The following HMMR variants were observed in gnomAD, a reference collection of about 807,000 sequenced individuals.
HMMR encodes hyaluronan mediated motility receptor, also known as intracellular hyaluronic acid-binding protein.
In HMMR, 108 loss-of-function variants were observed where a neutral mutation model predicts 101.0. The ratio of observed to expected loss-of-function variants is 1.07; its 90% CI spans 0.92 to 1.25. HMMR has a LOEUF of 1.25. Among genes scored for constraint, HMMR ranks in the 50% most tolerant of loss-of-function variants. The probability of loss-of-function intolerance (pLI) is 0.00; values close to 1 mark genes in which losing one functional copy is unlikely to be tolerated. For missense variants in HMMR, 813 were observed against 788.7 expected (o/e 1.03, Z -0.37); for synonymous variants, 296 against 276.4 (o/e 1.07, Z -0.70).
intron 1 of HMMR, among the ~76,000 whole-genome samples, chr5:163,461,201 A>C (rs1412051236): frequency 6.6e-6 from 1 of 152,160 alleles, no homozygotes; most frequent in African/African-American, 2.4e-5. Flanking sequence ...TTAGAGCAGC[A>C]GCACTTATTG....
chr5:163,469,943 G>A (rs529925207), intron 5 of HMMR, 114 bp downstream of exon 5: 79 of 640,274 alleles, frequency 1.2e-4, no homozygotes, highest in South Asian at 3.7e-4. Flanking sequence ...CAAGGCAGGC[G>A]GATCACCTGA....
intron 16 of HMMR, among the ~76,000 whole-genome samples, chr5:163,487,843 T>A (rs1759531314): frequency 6.6e-6 from 1 of 152,140 alleles, no homozygotes; most frequent in South Asian, 2.1e-4. Flanking sequence ...GAAAGAACTT[T>A]ATTTTTTTGT....
intron 13 of HMMR, 22 bp downstream of exon 13, chr5:163,482,810 C>T (rs774584062): frequency 1.9e-6 from 3 of 1,598,436 alleles, no homozygotes; most frequent in Non-Finnish European, 2.6e-6. Context: ...AAATAATGGC[C>T]TTAGAACCAT....
At position 163,485,526 on chromosome 5, in the gene HMMR, A is replaced by T. The variant is rs951966531; in HGVS notation, c.1962+1281A>T. 3.9e-5 allele frequency among the ~76,000 whole-genome samples: 6 copies of T among 152,172 alleles called. No homozygotes were observed. The South Asian group carries it at 6.2e-4, about 16-fold the overall frequency. ...CTGCTCATTTTTAAATTGGATTATT[A>T]GTCTTTTTATTATTGTGAGAATTCT... On this transcript the variant is annotated intron_variant, in intron 16 of 17. Transcript: ENST00000393915.
chr5:163,478,269 ACT>A (rs1759133433), intron 11 of HMMR, among the ~76,000 whole-genome samples: 1 of 152,132 alleles, frequency 6.6e-6, no homozygotes, highest in African/African-American at 2.4e-5. Context: ...AAGTCTTGTA[ACT>A]CTGTAGTTTA....
intron 10 of HMMR, 82 bp downstream of exon 10, chr5:163,474,287 A>G: frequency 9.9e-7 from 1 of 1,010,448 alleles, no homozygotes; most frequent in Non-Finnish European, 1.5e-6. Context: ...TAAATTGTGT[A>G]TATCCTTTGA....
chr5:163,477,761 T>C (rs911599811), intron 11 of HMMR, among the ~76,000 whole-genome samples: 12 of 152,198 alleles, frequency 7.9e-5, no homozygotes, highest in Admixed American at 2.0e-4. Flanking sequence ...TAAAAGAGTT[T>C]TATTAGATGG....
intron 17 of HMMR, 83 bp from the exon 18 acceptor site, chr5:163,491,029 A>C: frequency 1.5e-6 from 1 of 675,866 alleles, no homozygotes; most frequent in Non-Finnish European, 2.5e-6. Flanking sequence ...TAAAGAAGAT[A>C]CAAGGCCTGT....
At chr5:163,479,886 A>T (rs2113496455) in intron 12 of HMMR, among the ~76,000 whole-genome samples, 1 of 152,252 alleles carries the variant, frequency 6.6e-6, no homozygotes, top group African/African-American at 2.4e-5. Context: ...TTCTCCTTAA[A>T]TAAAAAGTTT....
chr5:163,484,760 T>C (rs1304962545), intron 16 of HMMR, among the ~76,000 whole-genome samples: 1 of 152,138 alleles, frequency 6.6e-6, no homozygotes, highest in East Asian at 1.9e-4. Context: ...AACACTCTCC[T>C]ATCTCCTCAC....
rs1406445346 is a variant in HMMR at position 163,471,276 on chromosome 5, G to A, written c.549+5G>A. 1.9e-6 allele frequency: 3 copies of A among 1,610,058 alleles called. No individual in the cohort carries two copies. The highest frequency in any genetic ancestry group is 2.6e-6 in the Non-Finnish European group (3 of 1,176,396). ...AAAAGAGAAACAAAGATGAGGGTGAGTGCTGCCCTTGGCAGGTTTGCTGTG... is the reference window on the plus strand; with the variant it reads ...AAAAGAGAAACAAAGATGAGGGTGAATGCTGCCCTTGGCAGGTTTGCTGTG... On this transcript the variant is annotated splice_donor_5th_base_variant and intron_variant, in intron 6 of 17. Transcript: ENST00000393915.
Position 163,482,787 on chromosome 5 carries a change from A to C in HMMR, c.1531A>C (p.Arg511=). 1 of 1,611,504 alleles carries C rather than the reference A, an allele frequency of 6.2e-7. No individual in the cohort carries two copies. The highest frequency in any genetic ancestry group is 8.5e-7 in the Non-Finnish European group (1 of 1,177,864). Residue 511 remains arginine (R), a splice_region_variant and synonymous_variant, in exon 13 of 18, where the codon AGG becomes CGG. Coordinates refer to ENST00000393915, the MANE Select transcript of HMMR (RefSeq NM_001142556.2). ...ATESSNQEYV[R]MLLDLQTKSA... ...TGAGAGCTCAAATCAAGAATATGTA[A>C]GGTATATAGAGCAAATAATGGCCTT...
chr5:163,488,650 C>G (rs534542004), intron 16 of HMMR, among the ~76,000 whole-genome samples: 1 of 152,286 alleles, frequency 6.6e-6, no homozygotes, highest in East Asian at 1.9e-4. Flanking sequence ...ATGACACTTG[C>G]TTTGGTAGGG....
chr5:163,484,581 A>C (rs759436845), intron 16 of HMMR, among the ~76,000 whole-genome samples: 20 of 152,172 alleles, frequency 1.3e-4, no homozygotes, highest in Non-Finnish European at 2.6e-4. Context: ...TGGGCATTTA[A>C]ATTTTTTAAC....
intron 12 of HMMR, among the ~76,000 whole-genome samples, chr5:163,481,770 C>G (rs1759274436): frequency 1.3e-5 from 2 of 152,172 alleles, no homozygotes; most frequent in African/African-American, 4.8e-5. Context: ...GCTCCTTAGT[C>G]TAAGCCTCCT....
Position 163,469,770 on chromosome 5 carries a change from G to A in HMMR, c.403G>A (p.Ala135Thr), listed in dbSNP as rs772706548. 22 of 1,612,364 alleles carry A rather than the reference G, an allele frequency of 1.4e-5. No individual in the cohort carries two copies. The highest frequency in any genetic ancestry group is 1.9e-5 in the Non-Finnish European group (22 of 1,178,592). ...AAAAACATCTCTCTCTGCAAATAAT[G>A]CTACACTGGAAAAACAACTTATTGA... ...REKTSLSANN[A>T]TLEKQLIELT... Residue 135 changes from alanine (A) to threonine (T), a missense_variant, in exon 5 of 18, where the codon GCT becomes ACT. By Grantham distance (58) the Ala-to-Thr change is moderately conservative. Transcript: ENST00000393915.
chr5:163,483,337 A>G lies in HMMR; in HGVS notation c.1755A>G (p.Glu585=), dbSNP rs971504602. ...EEINKWRLLY[E]ELYNKTKPFQ... The stretch of plus-strand genomic sequence containing the variant: ...TTAACAAGTGGCGTCTCCTCTATGA[A>G]GAACTATATAATAAAACAAAACCTT... The change falls in exon 15 of 18, where the codon GAA becomes GAG. Residue 585 remains glutamate, a synonymous_variant. Coordinates refer to ENST00000393915, the MANE Select transcript of HMMR (RefSeq NM_001142556.2). 13 of 1,601,374 alleles carry G rather than the reference A, an allele frequency of 8.1e-6. No individual in the cohort carries two copies. Among genetic ancestry groups the G allele is most frequent in the Non-Finnish European group, 1.0e-5 (12 of 1,169,922 alleles).
At chr5:163,463,710 A>C in intron 1 of HMMR, 146 bp from the exon 2 acceptor site, 1 of 422,952 alleles carries the variant, frequency 2.4e-6, no homozygotes, top group East Asian at 3.8e-5. Context: ...CTTCTTTGTA[A>C]TATCAAATGG....
rs772523611 is a variant in HMMR, at chr5:163,475,587, C to A, written c.1183C>A (p.Gln395Lys). The change falls in exon 11 of 18, where the codon CAA becomes AAA. Residue 395 changes from glutamine (Q) to lysine (K), a missense_variant. Transcript: ENST00000393915. ...TGATAAATTACAGCAAAAGGAGGAA[C>A]AAGCTGAAAGGCTGGTCAAGCAATT... ...ELDKLQQKEEQAERLVKQLEE... is the reference protein window; with the variant it reads ...ELDKLQQKEEKAERLVKQLEE... 12 of 1,612,566 alleles carry A rather than the reference C, an allele frequency of 7.4e-6. No individual in the cohort carries two copies. Among genetic ancestry groups the A allele is most frequent in the Middle Eastern group, 1.6e-4 (1 of 6,078 alleles).
Sources: gnomAD v4.1 joint callset for allele counts (sites outside exome capture counted in the v4.1 genomes callset) on GRCh38, gnomAD v4.1.1 for gene constraint, MANE v1.5 for transcripts, NCBI Gene and HGNC (gene_info 2026-07-23, HGNC 2026-07-21) for gene names.